CPQ: variants seen among roughly 807,000 people sequenced by gnomAD.
The protein encoded by CPQ is Ser-Met dipeptidase.
In CPQ, 37 loss-of-function variants were observed where a neutral mutation model predicts 45.7. The observed-to-expected ratio is 0.81, with a 90% CI of 0.62 to 1.07. The LOEUF (loss-of-function observed/expected upper bound fraction) is 1.07, where lower values mean the gene tolerates loss of function less well. CPQ is among the 50% of genes least tolerant of loss of function. CPQ has a pLI of 0.00. For synonymous variants in CPQ, 186 were observed against 205.8 expected (o/e 0.90, Z 0.82); for missense variants, 537 against 572.9 (o/e 0.94, Z 0.64).
intron 1 of CPQ, among the ~76,000 whole-genome samples, chr8:96,693,337 G>A (rs1809329252): frequency 1.3e-5 from 2 of 151,814 alleles, no homozygotes; most frequent in Non-Finnish European, 2.9e-5. Context: ...CAAACCTAGA[G>A]AAAGATATCA....
chr8:96,816,667 G>T (rs1385416285), intron 2 of CPQ, among the ~76,000 whole-genome samples: 5 of 152,052 alleles, frequency 3.3e-5, no homozygotes, highest in South Asian at 2.1e-4. Flanking sequence ...AGACTTGAAG[G>T]TTGAAATTGC....
At chr8:97,115,021 T>C (rs1811560569) in intron 7 of CPQ, among the ~76,000 whole-genome samples, 2 of 152,206 alleles carry the variant, frequency 1.3e-5, no homozygotes, top group Non-Finnish European at 2.9e-5. Flanking sequence ...AGTCCTCATT[T>C]CCAGTTTTCT....
At position 96,785,036 on chromosome 8, in the gene CPQ, G is replaced by A; in HGVS notation, c.139G>A (p.Ala47Thr). Residue 47 changes from alanine (A) to threonine (T), a missense_variant, in exon 2 of 8, where the codon GCT becomes ACT. Transcript: ENST00000220763. ...AGAAATAGCCAGCTGTGGAGATGTT[G>A]CTAAAGCAATCATCAACCTAGCTGT... ...KEEIASCGDV[A>T]KAIINLAVYG... 1 of 1,613,808 alleles carries A rather than the reference G, an allele frequency of 6.2e-7. No homozygotes were observed. The highest frequency in any genetic ancestry group is 8.5e-7 in the Non-Finnish European group (1 of 1,179,840).
intron 2 of CPQ, among the ~76,000 whole-genome samples, chr8:96,792,841 G>T (rs1305972313): frequency 6.6e-6 from 1 of 152,186 alleles, no homozygotes; most frequent in Non-Finnish European, 1.5e-5. Context: ...ATTTATAGAC[G>T]AAAGAGGTTT....
chr8:96,775,265 T>C (rs1287205956), intron 1 of CPQ, among the ~76,000 whole-genome samples: 1 of 152,210 alleles, frequency 6.6e-6, no homozygotes, highest in African/African-American at 2.4e-5. Flanking sequence ...CCTTCTTTAT[T>C]ATCCTGAAAT....
At chr8:97,114,548 C>T (rs1396362344) in intron 7 of CPQ, among the ~76,000 whole-genome samples, 1 of 152,168 alleles carries the variant, frequency 6.6e-6, no homozygotes, top group African/African-American at 2.4e-5. Context: ...TACCAGGTAA[C>T]TATGTTTACC....
At chr8:97,104,377 A>C (rs1454427084) in intron 7 of CPQ, among the ~76,000 whole-genome samples, 7 of 152,058 alleles carry the variant, frequency 4.6e-5, no homozygotes, top group Non-Finnish European at 4.4e-5. Flanking sequence ...TTCTATGCTG[A>C]TGATTGTAAA....
intron 5 of CPQ, among the ~76,000 whole-genome samples, chr8:96,978,737 A>G (rs530484733): frequency 2.2e-3 from 336 of 152,310 alleles, no homozygotes; most frequent in Non-Finnish European, 3.5e-3. Flanking sequence ...TAAGGGCCAT[A>G]GAAAATCTTA....
intron 4 of CPQ, among the ~76,000 whole-genome samples, chr8:96,925,962 A>G (rs1812868922): frequency 6.6e-6 from 1 of 152,202 alleles, no homozygotes; most frequent in Admixed American, 6.5e-5. Flanking sequence ...TGCTGATATT[A>G]CAGGCATGAG....
At chr8:96,704,336 A>G (rs1192148465) in intron 1 of CPQ, among the ~76,000 whole-genome samples, 2 of 152,324 alleles carry the variant, frequency 1.3e-5, no homozygotes, top group East Asian at 1.9e-4. Flanking sequence ...CTGAATGTCC[A>G]TCACTGAGAA....
intron 5 of CPQ, among the ~76,000 whole-genome samples, chr8:97,024,327 G>C (rs1054857230): frequency 6.6e-6 from 1 of 151,992 alleles, no homozygotes. Context: ...TTTCCACACA[G>C]ATTCTCCTCC....
chr8:96,722,742 A>G (rs1350396266), intron 1 of CPQ, among the ~76,000 whole-genome samples: 1 of 152,092 alleles, frequency 6.6e-6, no homozygotes, highest in East Asian at 1.9e-4. Context: ...TGCTTGGACA[A>G]TTTTCCAGTG....
chr8:96,831,314 A>G (rs1731813427), intron 2 of CPQ, among the ~76,000 whole-genome samples: 1 of 152,120 alleles, frequency 6.6e-6, no homozygotes, highest in South Asian at 2.1e-4. Context: ...GTAGGGGTAC[A>G]ACTGGAAACT....
chr8:96,811,209 G>A (rs908471037), intron 2 of CPQ, among the ~76,000 whole-genome samples: 3 of 152,012 alleles, frequency 2.0e-5, no homozygotes, highest in Non-Finnish European at 4.4e-5. Context: ...ACTACAGCAC[G>A]TTATCTATGT....
intron 1 of CPQ, among the ~76,000 whole-genome samples, chr8:96,752,261 G>A (rs1056449973): frequency 2.6e-5 from 4 of 152,182 alleles, no homozygotes; most frequent in African/African-American, 9.7e-5. Flanking sequence ...CTATCCATGA[G>A]CATGGAATGT....
chr8:96,825,148 C>G (rs1185409022), intron 2 of CPQ, among the ~76,000 whole-genome samples: 1 of 151,980 alleles, frequency 6.6e-6, no homozygotes, highest in Non-Finnish European at 1.5e-5. Flanking sequence ...TAACCCTTTC[C>G]TATGGCCATG....
Position 96,677,550 on chromosome 8 carries a change from C to A in CPQ, c.-35+32148C>A, listed in dbSNP as rs146335609. ...TTTTTTTGATGGTTTGTTTGAGTTC[C>A]TTTTAGATTCTGTATATTAGTCCTT... On this transcript the variant is annotated intron_variant, in intron 1 of 7. Transcript: ENST00000220763. Among the ~76,000 whole-genome samples, 7 of 151,724 alleles carry A rather than the reference C, an allele frequency of 4.6e-5. No homozygotes were observed. The East Asian group carries it at 1.4e-3, about 29-fold the overall frequency.
intron 1 of CPQ, among the ~76,000 whole-genome samples, chr8:96,772,604 A>T (rs1276835360): frequency 6.6e-6 from 1 of 152,074 alleles, no homozygotes; most frequent in East Asian, 1.9e-4. Context: ...TAAAGGACAG[A>T]TGGGGGAAGG....
chr8:96,833,693 T>A (rs988741546), intron 2 of CPQ, among the ~76,000 whole-genome samples: 3 of 152,200 alleles, frequency 2.0e-5, no homozygotes, highest in Non-Finnish European at 2.9e-5. Flanking sequence ...TAATTATACA[T>A]TGCTTCTTTT....
Sources: gnomAD v4.1 joint callset for allele counts (sites outside exome capture counted in the v4.1 genomes callset) on GRCh38, gnomAD v4.1.1 for gene constraint, MANE v1.5 for transcripts, NCBI Gene and HGNC (gene_info 2026-07-23, HGNC 2026-07-21) for gene names.